The following NAV2 variants were observed in gnomAD, a reference collection of about 807,000 sequenced individuals.
NAV2 encodes the protein neuron navigator 2.
In NAV2, 54 loss-of-function variants were observed where a neutral mutation model predicts 223.2. That is an observed-to-expected ratio of 0.24 (90% CI 0.19 to 0.30). The LOEUF is 0.30. Among genes scored for constraint, NAV2 ranks in the 10% least tolerant of loss-of-function variants. The pLI is 1.00. For synonymous variants in NAV2, 1,279 were observed against 1,239.3 expected, an observed-to-expected ratio of 1.03 and a Z score of -0.67; for missense variants, 2,806 against 3,147.5, an observed-to-expected ratio of 0.89 and a Z score of 2.60.
Position 20,097,566 on chromosome 11 carries a change from A to T in NAV2, c.6013-11A>T. 6.4e-7 allele frequency: 1 copy of T among 1,560,098 alleles called. No individual in the cohort carries two copies. Among genetic ancestry groups the T allele is most frequent in the Non-Finnish European group, 8.6e-7 (1 of 1,158,212 alleles). On this transcript the variant is annotated splice_polypyrimidine_tract_variant and intron_variant, in intron 30 of 37. Coordinates refer to ENST00000349880, the MANE Select transcript of NAV2 (RefSeq NM_145117.5). ...ATCTTTGATGGGGTCTTTATTTTTT[A>T]TTTTTTCCAGGAATACATCATTCAT...
chr11:20,111,361 T>A (rs934832577), intron 36 of NAV2, among the ~76,000 whole-genome samples: 10 of 152,342 alleles, frequency 6.6e-5, no homozygotes, highest in Admixed American at 6.5e-4. Context: ...TGTCCAGATG[T>A]CTCTGCTGCT....
intron 1 of NAV2, among the ~76,000 whole-genome samples, chr11:19,614,527 T>C (rs1005790656): frequency 1.3e-5 from 2 of 152,174 alleles, no homozygotes; most frequent in African/African-American, 4.8e-5. Flanking sequence ...TCCTCTGCTA[T>C]CAATATCGCA....
intron 1 of NAV2, among the ~76,000 whole-genome samples, chr11:19,391,117 C>G (rs887834033): frequency 2.0e-5 from 3 of 152,166 alleles, no homozygotes; most frequent in Admixed American, 6.5e-5. Flanking sequence ...AGCTTTCGTT[C>G]TCTAGTGATC....
At chr11:19,615,377 T>C (rs1310960577) in intron 1 of NAV2, among the ~76,000 whole-genome samples, 1 of 152,072 alleles carries the variant, frequency 6.6e-6, no homozygotes, top group African/African-American at 2.4e-5. Flanking sequence ...ATAATAATAG[T>C]ATGTCCTCAT....
In NAV2 at chr11:20,045,545, C is replaced by T. The variant is rs147763383; in HGVS notation, c.3777C>T (p.Asn1259=). Residue 1259 remains asparagine, a synonymous_variant, in exon 14 of 38, where the codon AAC becomes AAT. Transcript: ENST00000349880. ...TDKEKGISSD[N]ESVASCNSVK... ...AGGAGAAAGGCATCTCATCAGACAA[C>T]GAGAGTGTGGCTTCCTGTAACTCGG... 8.1e-5 allele frequency: 130 copies of T among 1,614,152 alleles called. No homozygotes were observed. The highest frequency in any genetic ancestry group is 7.1e-4 in the African/African-American group (53 of 75,038).
intron 1 of NAV2, among the ~76,000 whole-genome samples, chr11:19,570,498 G>T (rs1234767202): frequency 6.6e-6 from 1 of 152,190 alleles, no homozygotes; most frequent in Non-Finnish European, 1.5e-5. Flanking sequence ...CCAAATGACA[G>T]CTTCAGACTT....
chr11:20,111,010 CCAGGTAGCCCCTCCCA>C (rs2062588964), intron 36 of NAV2, among the ~76,000 whole-genome samples: 1 of 152,160 alleles, frequency 6.6e-6, no homozygotes, highest in South Asian at 2.1e-4. Context: ...AGGATGGCTT[CCAGGTAGCCCCTCCCA>C]CAGGTACACC....
intron 1 of NAV2, among the ~76,000 whole-genome samples, chr11:19,407,829 C>T (rs1322652471): frequency 1.3e-5 from 2 of 152,224 alleles, no homozygotes; most frequent in South Asian, 2.1e-4. Flanking sequence ...TCCCGTTCTC[C>T]GGCTGGGGCA....
At chr11:19,359,854 C>G (rs1338663833) in intron 1 of NAV2, among the ~76,000 whole-genome samples, 1 of 152,152 alleles carries the variant, frequency 6.6e-6, no homozygotes, top group Non-Finnish European at 1.5e-5. Flanking sequence ...TGTCTTGGTT[C>G]AGCAGGTCCT....
chr11:20,060,413 C>G (rs1008090301), intron 19 of NAV2, among the ~76,000 whole-genome samples: 1 of 152,202 alleles, frequency 6.6e-6, no homozygotes, highest in Non-Finnish European at 1.5e-5. Flanking sequence ...AATGTGTGGA[C>G]ATATTAACAC....
At chr11:19,362,583 G>A (rs2702749) in intron 1 of NAV2, among the ~76,000 whole-genome samples, 147,991 of 152,232 alleles carry the variant, frequency 0.97, 72,060 homozygotes, top group East Asian at 1. Context: ...TAATAATATA[G>A]TAACAATAGA....
chr11:20,080,241 C>G, intron 25 of NAV2, 32 bp downstream of exon 25: 2 of 1,601,446 alleles, frequency 1.2e-6, no homozygotes. Flanking sequence ...TGGGGACTGA[C>G]GGACAGAGTC....
chr11:19,784,061 T>G (rs1030004061), intron 1 of NAV2, among the ~76,000 whole-genome samples: 5 of 152,076 alleles, frequency 3.3e-5, no homozygotes, highest in Admixed American at 1.3e-4. Context: ...TAGGGAGGAA[T>G]GGTGGAGGTT....
rs1565295714 is a variant in NAV2 at position 19,776,609 on chromosome 11, G to GTGTGT, written c.268-55874_268-55873insGTGTT. Reference sequence around the variant, plus strand: ...GTGTGTGTGTGTGTGTGTGTGTGTGGTTAGAGTTGTGGGGGTCAGAAAATG... The same window carrying GTGTGT: ...GTGTGTGTGTGTGTGTGTGTGTGTGGTGTGTTTAGAGTTGTGGGGGTCAGAAAATG... On this transcript the variant is annotated intron_variant, in intron 1 of 37. Transcript: ENST00000349880. Among the ~76,000 whole-genome samples, 520 of 69,674 alleles carry GTGTGT rather than the reference G, an allele frequency of 7.5e-3. 15 individuals carry two copies. Among genetic ancestry groups the GTGTGT allele is most frequent in the South Asian group, 0.036 (90 of 2,500 alleles). 45.7% of individuals were successfully genotyped at this position (69,674 alleles called of 152,430 possible). A position where few individuals can be genotyped will look rare whatever the true frequency, so the allele number is the denominator to read the frequency against.
chr11:19,609,539 T>C (rs554173038), intron 1 of NAV2, among the ~76,000 whole-genome samples: 4 of 152,228 alleles, frequency 2.6e-5, no homozygotes, highest in African/African-American at 9.6e-5. Context: ...AAAGGCAAGA[T>C]GGAGCCATCA....
chr11:19,374,504 A>G (rs186861077), intron 1 of NAV2, among the ~76,000 whole-genome samples: 1 of 152,126 alleles, frequency 6.6e-6, no homozygotes, highest in Non-Finnish European at 1.5e-5. Context: ...AGACATCCTC[A>G]GTCACTCACA....
chr11:19,958,902 G>A (rs1435596090), intron 10 of NAV2, among the ~76,000 whole-genome samples: 4 of 152,232 alleles, frequency 2.6e-5, no homozygotes, highest in East Asian at 1.9e-4. Context: ...CTATTCCAGA[G>A]TCCACGCAGC....
At chr11:20,046,566 C>G (rs1458162325) in intron 14 of NAV2, among the ~76,000 whole-genome samples, 1 of 148,334 alleles carries the variant, frequency 6.7e-6, no homozygotes, top group Non-Finnish European at 1.5e-5. Context: ...AATTCCAAGT[C>G]AGTCTGAAAT....
In NAV2 at chr11:19,888,357, C is replaced by G. The variant is rs116261570; in HGVS notation, c.771-4077C>G. Among the ~76,000 whole-genome samples the G allele has an allele frequency of 1.3e-5, 2 of 152,202 alleles. 1 individual carries two copies. The highest frequency in any genetic ancestry group is 4.8e-5 in the African/African-American group (2 of 41,534). On this transcript the variant is annotated intron_variant, in intron 5 of 37. Coordinates refer to ENST00000349880, the MANE Select transcript of NAV2 (RefSeq NM_145117.5). Reference sequence around the variant, plus strand: ...TGAGGCAGGCCCAGTAGGCAGCATCCGTTGTGATACCTGCAGCTGTTCCAC... The same window carrying G: ...TGAGGCAGGCCCAGTAGGCAGCATCGGTTGTGATACCTGCAGCTGTTCCAC...
Sources: allele counts gnomAD v4.1 joint callset (sites outside exome capture counted in the v4.1 genomes callset), GRCh38; gene constraint gnomAD v4.1.1; transcripts MANE v1.5; gene names NCBI Gene and HGNC (gene_info 2026-07-23, HGNC 2026-07-21).